Variants in TTC39B observed in about 807,000 individuals in gnomAD.
The protein encoded by TTC39B is tetratricopeptide repeat protein 39B.
In TTC39B, 92 loss-of-function variants were observed where a neutral mutation model predicts 96.6. The observed-to-expected ratio is 0.95, with a 90% confidence interval of 0.80 to 1.13. The LOEUF (loss-of-function observed/expected upper bound fraction) is 1.13. Among genes scored for constraint, TTC39B ranks in the 50% most tolerant of loss-of-function variants. The pLI, the probability that TTC39B is intolerant of heterozygous loss-of-function variation, is 0.00. For synonymous variants in TTC39B, 367 were observed against 299.4 expected (o/e 1.23, Z -2.33); for missense variants, 955 against 809.3 (o/e 1.18, Z -2.18).
In TTC39B at chr9:15,285,698, CA is replaced by C. The variant is rs1201820409; in HGVS notation, c.241-17751del. On this transcript the variant is annotated intron_variant, in intron 1 of 19. Coordinates refer to ENST00000512701, the Ensembl canonical transcript of TTC39B. ...TGAAACCCCGTCTCTACTAAAAATA[CA>C]AAAAAATTAGCCGGGCTTGGTGGCG... 6.6e-5 allele frequency among the ~76,000 whole-genome samples: 10 copies of C among 152,004 alleles called. 1 individual carries two copies. In the East Asian group the frequency reaches 1.8e-3, roughly 27 times the overall value.
intron 19 of TTC39B, among the ~76,000 whole-genome samples, chr9:15,173,150 G>C (rs1817750482): frequency 6.6e-6 from 1 of 152,134 alleles, no homozygotes. Flanking sequence ...ATTATACATT[G>C]TATATTCAAA....
chr9:15,287,965 A>AC (rs1824038513), intron 1 of TTC39B, among the ~76,000 whole-genome samples: 1 of 150,964 alleles, frequency 6.6e-6, no homozygotes, highest in South Asian at 2.1e-4. Context: ...AAAAAAAAAA[A>AC]AAAACATAAA....
chr9:15,235,151 G>A (rs1307311195), intron 2 of TTC39B, among the ~76,000 whole-genome samples: 1 of 151,940 alleles, frequency 6.6e-6, no homozygotes, highest in African/African-American at 2.4e-5. Flanking sequence ...GACTGGACCA[G>A]GCAGAAGAAA....
intron 1 of TTC39B, among the ~76,000 whole-genome samples, chr9:15,279,880 T>G (rs1309831675): frequency 6.7e-6 from 1 of 149,666 alleles, no homozygotes; most frequent in East Asian, 1.9e-4. Flanking sequence ...AATAAAGTAC[T>G]TTTTTTCTTT....
intron 16 of TTC39B, among the ~76,000 whole-genome samples, chr9:15,184,273 G>A (rs1818402262): frequency 6.6e-6 from 1 of 151,954 alleles, no homozygotes; most frequent in African/African-American, 2.4e-5. Context: ...ATATTCCCTT[G>A]AACCAGGAAT....
At chr9:15,183,596 A>G (rs1202492884) in intron 16 of TTC39B, 1 of 248,666 alleles carries the variant, frequency 4.0e-6, no homozygotes, top group Non-Finnish European at 8.1e-6. Context: ...AGCAGGATAC[A>G]CTTACGTATA....
chr9:15,304,655 C>T (rs773504569), intron 1 of TTC39B, among the ~76,000 whole-genome samples: 1 of 152,046 alleles, frequency 6.6e-6, no homozygotes, highest in Non-Finnish European at 1.5e-5. Context: ...CCCAACCTCC[C>T]CCCCGACCCC....
At chr9:15,216,053 A>T (rs921670652) in intron 3 of TTC39B, among the ~76,000 whole-genome samples, 1 of 152,076 alleles carries the variant, frequency 6.6e-6, no homozygotes, top group African/African-American at 2.4e-5. Context: ...CTCTCCTCGC[A>T]GGTCTTCTCA....
intron 1 of TTC39B, among the ~76,000 whole-genome samples, chr9:15,268,459 C>T: frequency 6.6e-6 from 1 of 152,098 alleles, no homozygotes; most frequent in South Asian, 2.1e-4. Context: ...CTGGCCTGAT[C>T]ACAGCTGCAA....
At chr9:15,232,770 G>A (rs565676070) in intron 2 of TTC39B, among the ~76,000 whole-genome samples, 2 of 152,168 alleles carry the variant, frequency 1.3e-5, no homozygotes, top group African/African-American at 4.8e-5. Context: ...TTGGGCCCTC[G>A]AAGAGAAGGA....
intron 1 of TTC39B, among the ~76,000 whole-genome samples, chr9:15,283,911 A>G (rs765302227): frequency 2.0e-4 from 31 of 152,278 alleles, no homozygotes; most frequent in Non-Finnish European, 4.0e-4. Flanking sequence ...TAATCTTAAA[A>G]CAGGGACAGT....
intron 2 of TTC39B, among the ~76,000 whole-genome samples, chr9:15,262,451 A>C (rs748513627): frequency 2.0e-5 from 3 of 152,216 alleles, no homozygotes; most frequent in Non-Finnish European, 4.4e-5. Context: ...ATTTTTGTAC[A>C]TCTCTAATTT....
chr9:15,166,278 C>T (rs1299515386), exon 20 of TTC39B: 1 of 152,184 alleles, frequency 6.6e-6, no homozygotes, highest in Non-Finnish European at 1.5e-5. Context: ...GAGCCAGCTG[C>T]TTTGATTTTT....
chr9:15,169,966 C>T (rs1817597682), exon 20 of TTC39B: 1 of 152,164 alleles, frequency 6.6e-6, no homozygotes. Context: ...AGTATACCCA[C>T]AGTCACAATG....
rs1056035932 is a variant in TTC39B at position 15,199,844 on chromosome 9, C to G, written c.824+17G>C. ...GCACAAAATTATTTACAAACCACAT[C>G]TTACTTTTTAACTTACTTATATATT... On this transcript the variant is annotated intron_variant, in intron 8 of 19. Coordinates refer to ENST00000512701, the Ensembl canonical transcript of TTC39B. 1 of 1,324,348 alleles carries G rather than the reference C, an allele frequency of 7.6e-7. No individual in the cohort carries two copies. Among genetic ancestry groups the G allele is most frequent in the Non-Finnish European group, 1.0e-6 (1 of 963,962 alleles). 82.0% of individuals were successfully genotyped at this position (1,324,348 alleles called of 1,614,324 possible).
At chr9:15,302,209 C>T (rs1268254610) in intron 1 of TTC39B, among the ~76,000 whole-genome samples, 2 of 151,520 alleles carry the variant, frequency 1.3e-5, no homozygotes, top group African/African-American at 2.4e-5. Context: ...GCCTGCAATT[C>T]CAGCTTCTCC....
chr9:15,207,381 A>C (rs960645132), intron 6 of TTC39B, among the ~76,000 whole-genome samples: 1 of 152,238 alleles, frequency 6.6e-6, no homozygotes, highest in Non-Finnish European at 1.5e-5. Context: ...CATTATAAAA[A>C]TATAACAACA....
chr9:15,302,960 G>A (rs545491843), intron 1 of TTC39B, among the ~76,000 whole-genome samples: 8 of 152,308 alleles, frequency 5.3e-5, no homozygotes, highest in African/African-American at 1.7e-4. Context: ...ACGAGGTCAA[G>A]AGATCGAGAC....
exon 17 of TTC39B, chr9:15,182,310 G>C (rs532900481): frequency 1.2e-6 from 2 of 1,606,284 alleles, no homozygotes; most frequent in South Asian, 2.2e-5. Flanking sequence ...TACTTACTTT[G>C]ACTTTGTAAA....
Sources: gnomAD v4.1 joint callset for allele counts (sites outside exome capture counted in the v4.1 genomes callset) on GRCh38, gnomAD v4.1.1 for gene constraint, MANE v1.5 for transcripts, NCBI Gene and HGNC (gene_info 2026-07-23, HGNC 2026-07-21) for gene names.